Variants in JMJD1C observed in about 807,000 individuals in gnomAD.
JMJD1C encodes jumonji domain-containing protein 1C.
In JMJD1C, 31 loss-of-function variants were observed where a neutral mutation model predicts 245.3. The observed-to-expected ratio is 0.13, with a 90% confidence interval of 0.09 to 0.17. The LOEUF (loss-of-function observed/expected upper bound fraction) is 0.17. Among genes scored for constraint, JMJD1C ranks in the 10% least tolerant of loss-of-function variants. The pLI is 1.00. For synonymous variants in JMJD1C, 1,057 were observed against 1,017.4 expected, an observed-to-expected ratio of 1.04 and a Z score of -0.74; for missense variants, 2,691 against 3,000.2, an observed-to-expected ratio of 0.90 and a Z score of 2.41.
intron 3 of JMJD1C, among the ~76,000 whole-genome samples, chr10:63,244,090 A>G (rs1851858460): frequency 6.6e-6 from 1 of 152,218 alleles, no homozygotes; most frequent in African/African-American, 2.4e-5. Flanking sequence ...CCCTGAGGAC[A>G]GCCAGAAACA....
In JMJD1C at chr10:63,225,992, C is replaced by T. The variant is rs993679731; in HGVS notation, c.448-6009G>A. 8.6e-5 allele frequency among the ~76,000 whole-genome samples: 13 copies of T among 151,672 alleles called. No individual in the cohort carries two copies. In the East Asian group the frequency reaches 2.5e-3, roughly 29 times the overall value. On this transcript the variant is annotated intron_variant, in intron 3 of 25. Transcript: ENST00000399262. ...CTCAGGTTCTTCTCCCCCACCCCCCCCTTCCCTCCACATACACTCTCTCTC... is the reference window on the plus strand; with the variant it reads ...CTCAGGTTCTTCTCCCCCACCCCCCTCTTCCCTCCACATACACTCTCTCTC...
chr10:63,475,921 A>AAGG (rs1953646465), intron 1 of JMJD1C, among the ~76,000 whole-genome samples: 1 of 152,146 alleles, frequency 6.6e-6, no homozygotes, highest in Non-Finnish European at 1.5e-5. Context: ...TTTAAAGTTG[A>AAGG]TAATGGGCTG....
intron 1 of JMJD1C, among the ~76,000 whole-genome samples, chr10:63,498,799 A>T (rs1954443000): frequency 6.6e-6 from 1 of 152,166 alleles, no homozygotes; most frequent in Non-Finnish European, 1.5e-5. Context: ...ACTAACTATA[A>T]CACAGTGTTA....
intron 2 of JMJD1C, among the ~76,000 whole-genome samples, chr10:63,321,582 T>A (rs1940870650): frequency 1.3e-5 from 2 of 152,164 alleles, no homozygotes; most frequent in Admixed American, 1.3e-4. Context: ...ACAATTTGGT[T>A]TGGTTTTTCC....
At chr10:63,518,443 G>A (rs968949286) in intron 1 of JMJD1C, among the ~76,000 whole-genome samples, 1 of 152,128 alleles carries the variant, frequency 6.6e-6, no homozygotes, top group Non-Finnish European at 1.5e-5. Flanking sequence ...TTCGACGTGG[G>A]GCAAAACTAC....
intron 3 of JMJD1C, among the ~76,000 whole-genome samples, chr10:63,261,457 T>TG (rs1854740285): frequency 6.6e-6 from 1 of 152,044 alleles, no homozygotes; most frequent in African/African-American, 2.4e-5. Context: ...GGTGCACACC[T>TG]GTAATCCCAG....
At chr10:63,396,727 G>A (rs1237263717) in intron 1 of JMJD1C, among the ~76,000 whole-genome samples, 1 of 151,720 alleles carries the variant, frequency 6.6e-6, no homozygotes, top group African/African-American at 2.4e-5. Context: ...CTATTTTGTA[G>A]AGAAGAGAAA....
chr10:63,203,621 G>T lies in JMJD1C; in HGVS notation c.5075-2944C>A, dbSNP rs559336972. The T allele has an allele frequency of 5.6e-5, 54 of 960,822 alleles. No homozygotes were observed. In the African/African-American group the frequency reaches 8.8e-4, roughly 16 times the overall value. 59.5% of individuals were successfully genotyped at this position (960,822 alleles called of 1,614,324 possible). On this transcript the variant is annotated intron_variant, in intron 10 of 25. Transcript: ENST00000399262. ...TAAAAATTAGATAAAATGTAAGATA[G>T]AAGTAAATAAAACATAAAAATTAGT...
chr10:63,269,078 C>G, intron 2 of JMJD1C: 1 of 985,422 alleles, frequency 1.0e-6, no homozygotes, highest in Non-Finnish European at 1.2e-6. Flanking sequence ...TAATTTCTCT[C>G]GAGGTCGCTT....
intron 3 of JMJD1C, among the ~76,000 whole-genome samples, chr10:63,261,410 A>C (rs1180469992): frequency 1.3e-5 from 2 of 152,032 alleles, no homozygotes; most frequent in African/African-American, 4.8e-5. Flanking sequence ...GCGAAAACCC[A>C]TCTCTACTGA....
chr10:63,465,995 G>A (rs928128093), upstream of JMJD1C: 15 of 279,716 alleles, frequency 5.4e-5, no homozygotes, highest in Admixed American at 4.5e-4. Flanking sequence ...CTCCCTCCCC[G>A]GGCAGCGGCG....
chr10:63,372,704 A>C (rs1946406629), intron 2 of JMJD1C, among the ~76,000 whole-genome samples: 1 of 152,238 alleles, frequency 6.6e-6, no homozygotes, highest in African/African-American at 2.4e-5. Context: ...CTAGACTCCA[A>C]GGAACCATAC....
intron 3 of JMJD1C, among the ~76,000 whole-genome samples, chr10:63,242,674 C>A (rs960809902): frequency 6.6e-6 from 1 of 152,104 alleles, no homozygotes; most frequent in Non-Finnish European, 1.5e-5. Flanking sequence ...TGCAGTGAAG[C>A]GAGACCACGC....
rs1243327144 is a variant in JMJD1C, at chr10:63,215,430, T to C, written c.848A>G (p.Asn283Ser). 3.7e-6 allele frequency: 6 copies of C among 1,614,030 alleles called. No homozygotes were observed. The African/African-American group carries it at 5.3e-5, about 14-fold the overall frequency. Residue 283 changes from asparagine to serine, a missense_variant, in exon 7 of 26, where the codon AAT (asparagine) becomes AGT (serine). Physicochemically the swap from Asn to Ser is conservative, Grantham distance 46. Coordinates refer to ENST00000399262, the MANE Select transcript of JMJD1C (RefSeq NM_032776.3). The stretch of plus-strand genomic sequence containing the variant: ...GGAGTTCATTGCTGGTCTGGGACTA[T>C]TTGCTTGGGCACGTGTATAATGGCT... ...VHSHYTRAQA[N>S]SPRPAMNSQA...
intron 1 of JMJD1C, among the ~76,000 whole-genome samples, chr10:63,458,330 A>G (rs1952550211): frequency 6.6e-6 from 1 of 151,372 alleles, no homozygotes; most frequent in African/African-American, 2.4e-5. Flanking sequence ...TACAAAGAGT[A>G]AAAAAAAATT....
chr10:63,442,888 A>C (rs1303671656), intron 1 of JMJD1C, among the ~76,000 whole-genome samples: 1 of 152,204 alleles, frequency 6.6e-6, no homozygotes, highest in African/African-American at 2.4e-5. Flanking sequence ...TGTCTTTTCC[A>C]ATACCACTTC....
intron 1 of JMJD1C, among the ~76,000 whole-genome samples, chr10:63,506,210 T>C (rs1161417251): frequency 6.6e-6 from 1 of 152,178 alleles, no homozygotes. Flanking sequence ...AGTTGATCAA[T>C]ATAATAAAGG....
intron 2 of JMJD1C, among the ~76,000 whole-genome samples, chr10:63,303,287 C>T (rs1226367127): frequency 3.3e-5 from 5 of 152,194 alleles, no homozygotes; most frequent in Admixed American, 6.6e-5. Context: ...CTGAAAAAGA[C>T]TCTGCTTGTG....
chr10:63,224,509 A>C (rs895078699), intron 3 of JMJD1C, among the ~76,000 whole-genome samples: 1 of 152,212 alleles, frequency 6.6e-6, no homozygotes, highest in South Asian at 2.1e-4. Flanking sequence ...TTTCTGTTAC[A>C]TCATCATTCC....
Sources: allele counts gnomAD v4.1 joint callset (sites outside exome capture counted in the v4.1 genomes callset), GRCh38; gene constraint gnomAD v4.1.1; transcripts MANE v1.5; gene names NCBI Gene and HGNC (gene_info 2026-07-23, HGNC 2026-07-21).